Variants in PLPP4 observed in about 807,000 individuals in gnomAD.
PLPP4 encodes phospholipid phosphatase 4.
Under a neutral mutation model 32.2 loss-of-function variants are expected in PLPP4, and 20 were observed. The observed-to-expected ratio is 0.62, with a 90% CI of 0.44 to 0.90. The LOEUF is 0.90. PLPP4 is among the 40% of genes least tolerant of loss of function. The pLI, the probability that PLPP4 is intolerant of heterozygous loss-of-function variation, is 0.00. For missense variants in PLPP4, 257 were observed against 353.1 expected, an observed-to-expected ratio of 0.73 and a Z score of 2.18; for synonymous variants, 127 against 133.0, an observed-to-expected ratio of 0.95 and a Z score of 0.31.
At chr10:120,486,351 A>G (rs1054069632) in intron 1 of PLPP4, among the ~76,000 whole-genome samples, 14 of 151,284 alleles carry the variant, frequency 9.3e-5, no homozygotes, top group Non-Finnish European at 7.4e-5. Context: ...CTCCATGTCT[A>G]CTGTCCCCTA....
At chr10:120,539,783 G>A (rs190237413) in intron 5 of PLPP4, among the ~76,000 whole-genome samples, 1 of 152,262 alleles carries the variant, frequency 6.6e-6, no homozygotes, top group African/African-American at 2.4e-5. Flanking sequence ...TCTGGGTCAT[G>A]AGGAACTCTA....
intron 6 of PLPP4, among the ~76,000 whole-genome samples, chr10:120,576,177 G>A (rs1371121402): frequency 6.6e-6 from 1 of 152,188 alleles, no homozygotes; most frequent in East Asian, 1.9e-4. Context: ...AGAAACACTG[G>A]TAAAGAGCTC....
chr10:120,528,356 G>A (rs1264470983), intron 5 of PLPP4, among the ~76,000 whole-genome samples: 1 of 152,114 alleles, frequency 6.6e-6, no homozygotes, highest in Non-Finnish European at 1.5e-5. Context: ...TTACAGACGT[G>A]AGCCACCACG....
chr10:120,486,588 T>C (rs1844467274), intron 1 of PLPP4, among the ~76,000 whole-genome samples: 1 of 152,264 alleles, frequency 6.6e-6, no homozygotes, highest in Non-Finnish European at 1.5e-5. Flanking sequence ...ATGCCAGCTG[T>C]TACACGTTAT....
At chr10:120,548,457 A>G (rs1318791611) in intron 5 of PLPP4, among the ~76,000 whole-genome samples, 7 of 152,082 alleles carry the variant, frequency 4.6e-5, no homozygotes, top group Admixed American at 3.3e-4. Flanking sequence ...TATGTACCAC[A>G]TTTTCTTTAT....
In PLPP4 at chr10:120,589,878, G is replaced by A. The variant is rs1849941364; in HGVS notation, c.*376G>A. The A allele has an allele frequency of 5.4e-6, 1 of 185,772 alleles. No homozygotes were observed. Among genetic ancestry groups the A allele is most frequent in the Admixed American group, 5.9e-5 (1 of 16,818 alleles). The allele number at this position is 185,772 out of a possible 1,614,324, so 11.5% of individuals were successfully genotyped here. On this transcript the variant is annotated 3_prime_UTR_variant, in exon 7 of 7. Transcript: ENST00000398250. ...TGGTGTTGGCCACCCAGCGCAACAA[G>A]TCATTTGGAGATGCAGCAGGTTTCT...
At chr10:120,571,550 A>C (rs1382914537) in intron 5 of PLPP4, among the ~76,000 whole-genome samples, 2 of 152,142 alleles carry the variant, frequency 1.3e-5, no homozygotes, top group African/African-American at 4.8e-5. Flanking sequence ...CATGTCTTGG[A>C]CAGCCTTCCT....
chr10:120,509,138 G>C (rs1181634682), intron 2 of PLPP4, among the ~76,000 whole-genome samples: 3 of 152,170 alleles, frequency 2.0e-5, no homozygotes, highest in Non-Finnish European at 2.9e-5. Flanking sequence ...ATCAGATGGG[G>C]GTGACAGACC....
At chr10:120,460,054 T>A (rs1032414809) in intron 1 of PLPP4, among the ~76,000 whole-genome samples, 2 of 152,220 alleles carry the variant, frequency 1.3e-5, no homozygotes, top group Non-Finnish European at 2.9e-5. Flanking sequence ...AACCCGTAGA[T>A]GCTCAGTCCT....
At chr10:120,552,758 T>A (rs149642687) in intron 5 of PLPP4, among the ~76,000 whole-genome samples, 1 of 152,350 alleles carries the variant, frequency 6.6e-6, no homozygotes, top group East Asian at 1.9e-4. Flanking sequence ...CTTTCACCAC[T>A]GAGCCTCATT....
chr10:120,461,578 T>G (rs1848049620), intron 1 of PLPP4, among the ~76,000 whole-genome samples: 1 of 152,192 alleles, frequency 6.6e-6, no homozygotes. Flanking sequence ...GGTGTTTACC[T>G]CCCCTTAGAT....
At chr10:120,464,953 G>A (rs1422253633) in intron 1 of PLPP4, among the ~76,000 whole-genome samples, 5 of 152,180 alleles carry the variant, frequency 3.3e-5, no homozygotes. Context: ...TGTAAAATGA[G>A]TTGGCTGTAC....
chr10:120,482,668 G>A (rs1273729329), intron 1 of PLPP4, among the ~76,000 whole-genome samples: 1 of 152,104 alleles, frequency 6.6e-6, no homozygotes, highest in Non-Finnish European at 1.5e-5. Context: ...ATTTTGGGAG[G>A]CTGAGGCGGG....
rs938570549 is a variant in PLPP4 at position 120,518,849 on chromosome 10, T to C, written c.273T>C (p.Leu91=). The C allele has an allele frequency of 6.2e-7, 1 of 1,613,060 alleles. No homozygotes were observed. The highest frequency in any genetic ancestry group is 1.1e-5 in the South Asian group (1 of 90,730). The change falls in exon 4 of 7, where the codon CTT becomes CTC. Residue 91 remains leucine (L), a synonymous_variant. Transcript: ENST00000398250. Reference sequence around the variant, plus strand: ...GTTTTGTAGCGGTGTCCTTGGCTCTTGCTTTGAATGGAGTCTGCACAAACA... The same window carrying C: ...GTTTTGTAGCGGTGTCCTTGGCTCTCGCTTTGAATGGAGTCTGCACAAACA... ...KEAFLAVSLA[L]ALNGVCTNTI... is the part of the protein sequence containing the mutation.
chr10:120,547,361 A>T (rs967076636), intron 5 of PLPP4, among the ~76,000 whole-genome samples: 5 of 152,172 alleles, frequency 3.3e-5, no homozygotes, highest in African/African-American at 1.2e-4. Context: ...TCAACACAGC[A>T]TATTATAAAC....
chr10:120,485,838 C>T (rs908680430), intron 1 of PLPP4, among the ~76,000 whole-genome samples: 1 of 152,192 alleles, frequency 6.6e-6, no homozygotes, highest in African/African-American at 2.4e-5. Flanking sequence ...GGGCCTGCCC[C>T]ACCCTGGCTG....
At chr10:120,580,860 C>A in intron 6 of PLPP4, 1 of 1,286,194 alleles carries the variant, frequency 7.8e-7, no homozygotes, top group African/African-American at 1.5e-5. Context: ...ATATCCTCAG[C>A]CCAAGTGAAT....
chr10:120,502,485 C>T (rs571531229), intron 1 of PLPP4, among the ~76,000 whole-genome samples: 1 of 152,158 alleles, frequency 6.6e-6, no homozygotes, highest in East Asian at 1.9e-4. Context: ...TGTTCAAAGT[C>T]CCAAATAGAT....
intron 5 of PLPP4, among the ~76,000 whole-genome samples, chr10:120,566,141 A>G (rs1848680942): frequency 6.6e-6 from 1 of 152,140 alleles, no homozygotes; most frequent in African/African-American, 2.4e-5. Context: ...TTTTATATTC[A>G]TGTCTTGTAA....
Sources: gnomAD v4.1 joint callset for allele counts (sites outside exome capture counted in the v4.1 genomes callset) on GRCh38, gnomAD v4.1.1 for gene constraint, MANE v1.5 for transcripts, NCBI Gene and HGNC (gene_info 2026-07-23, HGNC 2026-07-21) for gene names.